Variants in PRKD1 observed in about 807,000 individuals in gnomAD.
PRKD1 encodes the protein serine/threonine-protein kinase D1.
A neutral mutation model predicts 95.9 loss-of-function variants in PRKD1; 63 were observed. The ratio of observed to expected loss-of-function variants is 0.66; its 90% confidence interval spans 0.54 to 0.81. The LOEUF (loss-of-function observed/expected upper bound fraction) is 0.81. Ranked by LOEUF, PRKD1 falls within the 30% of genes least tolerant of loss-of-function variation. The pLI is 0.00. For missense variants in PRKD1, 1,048 were observed against 1,165.3 expected (o/e 0.90, Z 1.47); for synonymous variants, 425 against 423.1 (o/e 1.00, Z -0.05).
chr14:29,918,595 T>C (rs536332136), intron 1 of PRKD1, among the ~76,000 whole-genome samples: 3 of 152,192 alleles, frequency 2.0e-5, no homozygotes, highest in Non-Finnish European at 2.9e-5. Context: ...CACTTGACTC[T>C]TTATTTCTAG....
In PRKD1 at chr14:29,581,326, C is replaced by T. The variant is rs185573713; in HGVS notation, c.2435-2966G>A. Among the ~76,000 whole-genome samples the T allele has an allele frequency of 1.6e-4, 25 of 152,166 alleles. No individual in the cohort carries two copies. The East Asian group carries it at 1.7e-3, about 11-fold the overall frequency. On this transcript the variant is annotated intron_variant, in intron 16 of 17. Transcript: ENST00000331968. ...TCACTAACTGCCAATTTGAATTATA[C>T]GCAAATATATTATTCATATAGTCTA...
chr14:29,623,471 A>G (rs2333611), intron 13 of PRKD1, among the ~76,000 whole-genome samples: 65,143 of 152,092 alleles, frequency 0.43, 14,449 homozygotes, highest in African/African-American at 0.53. Flanking sequence ...TGGCAGGTAT[A>G]TAAAAATCGG....
intron 16 of PRKD1, among the ~76,000 whole-genome samples, chr14:29,594,929 A>G (rs186553415): frequency 1.3e-5 from 2 of 152,270 alleles, no homozygotes; most frequent in African/African-American, 4.8e-5. Context: ...ATCATGATGT[A>G]ATTTAACTAA....
chr14:29,726,269 T>C (rs1886137828), intron 1 of PRKD1, among the ~76,000 whole-genome samples: 1 of 152,160 alleles, frequency 6.6e-6, no homozygotes, highest in Non-Finnish European at 1.5e-5. Flanking sequence ...GTGGCTTTCA[T>C]GCAATCTGTC....
intron 1 of PRKD1, among the ~76,000 whole-genome samples, chr14:29,791,556 A>T (rs1022424305): frequency 6.6e-6 from 1 of 152,080 alleles, no homozygotes; most frequent in Admixed American, 6.6e-5. Flanking sequence ...ACTTTCTAGA[A>T]TTTTCTAAAA....
intron 1 of PRKD1, among the ~76,000 whole-genome samples, chr14:29,754,159 T>C (rs1397980633): frequency 6.6e-6 from 1 of 152,204 alleles, no homozygotes; most frequent in Admixed American, 6.6e-5. Context: ...TCCTTTAGTT[T>C]GCATTTATCT....
chr14:29,651,785 G>A (rs949418227), intron 4 of PRKD1, among the ~76,000 whole-genome samples: 2 of 151,462 alleles, frequency 1.3e-5, no homozygotes, highest in Admixed American at 6.6e-5. Flanking sequence ...TTCTTGTTGT[G>A]CAGTCTAGAG....
At chr14:29,620,462 C>G (rs1179941205) in intron 13 of PRKD1, among the ~76,000 whole-genome samples, 2 of 147,140 alleles carry the variant, frequency 1.4e-5, no homozygotes, top group East Asian at 4.1e-4. Flanking sequence ...CTACAATGAA[C>G]TCAAACAAAT....
intron 1 of PRKD1, among the ~76,000 whole-genome samples, chr14:29,892,450 A>G (rs867801246): frequency 2.0e-5 from 3 of 152,110 alleles, no homozygotes; most frequent in Non-Finnish European, 4.4e-5. Context: ...AAAAAAAAAA[A>G]AAAACAGCAT....
chr14:29,664,974 T>C (rs1450386727), intron 3 of PRKD1, among the ~76,000 whole-genome samples: 4 of 152,184 alleles, frequency 2.6e-5, no homozygotes, highest in African/African-American at 7.2e-5. Flanking sequence ...CTAGGCAAAT[T>C]TTATTTTTAG....
chr14:29,624,867 C>T (rs1329873546), intron 12 of PRKD1, among the ~76,000 whole-genome samples: 1 of 152,110 alleles, frequency 6.6e-6, no homozygotes, highest in Non-Finnish European at 1.5e-5. Flanking sequence ...GTATATTACA[C>T]CTCATTTAAC....
At chr14:29,833,893 A>C (rs1168177566) in intron 1 of PRKD1, among the ~76,000 whole-genome samples, 40 of 152,126 alleles carry the variant, frequency 2.6e-4, no homozygotes, top group Non-Finnish European at 1.5e-4. Context: ...GAGCCTGAAA[A>C]AAAAAGGAAG....
chr14:29,750,612 G>A (rs965246792), intron 1 of PRKD1, among the ~76,000 whole-genome samples: 2 of 116,556 alleles, frequency 1.7e-5, no homozygotes, highest in East Asian at 4.2e-4. Context: ...ATGCATGAAC[G>A]CGCGCACACA....
chr14:29,895,244 G>C (rs1894082391), intron 1 of PRKD1, among the ~76,000 whole-genome samples: 1 of 152,148 alleles, frequency 6.6e-6, no homozygotes, highest in Non-Finnish European at 1.5e-5. Flanking sequence ...TTGAACCCGG[G>C]AGGCAGAGGT....
chr14:29,866,850 T>C (rs1329961805), intron 1 of PRKD1, among the ~76,000 whole-genome samples: 1 of 152,158 alleles, frequency 6.6e-6, no homozygotes, highest in Non-Finnish European at 1.5e-5. Flanking sequence ...GCACCGGATT[T>C]TGTTTTATAG....
intron 1 of PRKD1, among the ~76,000 whole-genome samples, chr14:29,868,288 G>A (rs1030713490): frequency 4.6e-5 from 7 of 152,146 alleles, no homozygotes; most frequent in Admixed American, 4.6e-4. Context: ...GGAACTGCTT[G>A]AGCAAAATTC....
At chr14:29,674,026 A>G (rs183613842) in intron 2 of PRKD1, among the ~76,000 whole-genome samples, 102 of 152,278 alleles carry the variant, frequency 6.7e-4, no homozygotes, top group African/African-American at 2.0e-3. Flanking sequence ...GGAAGACACA[A>G]AGTAACTAGT....
chr14:29,816,221 A>T (rs7142175), intron 1 of PRKD1, among the ~76,000 whole-genome samples: 8 of 152,074 alleles, frequency 5.3e-5, no homozygotes. Context: ...AAGAGCCTCC[A>T]TCTCAGTAAA....
intron 1 of PRKD1, among the ~76,000 whole-genome samples, chr14:29,864,489 A>G (rs1317498072): frequency 3.3e-5 from 5 of 152,170 alleles, no homozygotes; most frequent in African/African-American, 1.2e-4. Context: ...TATTCTTTCT[A>G]TAGAATCTCA....
Sources: gnomAD v4.1 joint callset for allele counts (sites outside exome capture counted in the v4.1 genomes callset) on GRCh38, gnomAD v4.1.1 for gene constraint, MANE v1.5 for transcripts, NCBI Gene and HGNC (gene_info 2026-07-23, HGNC 2026-07-21) for gene names.